ADRA1A: variants seen among roughly 807,000 people sequenced by gnomAD.
The protein encoded by ADRA1A is adrenoceptor alpha 1A.
ADRA1A carries 31 observed loss-of-function variants against 29.6 expected under a neutral mutation model. The observed-to-expected ratio is 1.05, with a 90% CI of 0.79 to 1.41. The LOEUF is 1.41. ADRA1A is among the 40% of genes most tolerant of loss of function. ADRA1A has a pLI of 0.00. For synonymous variants in ADRA1A, 311 were observed against 254.3 expected (o/e 1.22, Z -2.12); for missense variants, 619 against 601.1 (o/e 1.03, Z -0.31).
Position 26,841,830 on chromosome 8 carries a change from C to T in ADRA1A, c.883+22257G>A, listed in dbSNP as rs1386962718. 6.6e-6 allele frequency among the ~76,000 whole-genome samples: 1 copy of T among 152,122 alleles called. No individual in the cohort carries two copies. Among genetic ancestry groups the T allele is most frequent in the Non-Finnish European group, 1.5e-5 (1 of 68,020 alleles). On this transcript the variant is annotated intron_variant, in intron 2 of 2. Coordinates refer to ENST00000380573, the MANE Select transcript of ADRA1A (RefSeq NM_000680.4). The surrounding 1 kb of genome is among the most constrained non-coding windows in gnomAD (Gnocchi z 4.4). ...TTCTCCTTTTCTTTCCCCTTGACTTCTCTGCTGCATTTGATATTGGCGCCA... is the reference window on the plus strand; with the variant it reads ...TTCTCCTTTTCTTTCCCCTTGACTTTTCTGCTGCATTTGATATTGGCGCCA...
intron 2 of ADRA1A, among the ~76,000 whole-genome samples, chr8:26,758,013 G>A (rs534625432): frequency 8.5e-5 from 13 of 152,322 alleles, no homozygotes; most frequent in African/African-American, 3.1e-4. Context: ...GGATACTCTT[G>A]TTCTGGGCTG....
downstream of ADRA1A, among the ~76,000 whole-genome samples, chr8:26,760,906 C>T (rs1178031126): frequency 6.6e-6 from 1 of 152,220 alleles, no homozygotes; most frequent in Non-Finnish European, 1.5e-5. Flanking sequence ...TTGAGCCTTT[C>T]TGGGTGGATC....
intron 2 of ADRA1A, among the ~76,000 whole-genome samples, chr8:26,797,958 A>G (rs893219712): frequency 6.6e-6 from 1 of 151,940 alleles, no homozygotes; most frequent in African/African-American, 2.4e-5. Flanking sequence ...TCAGATACAA[A>G]TTCTCATCTG....
intron 2 of ADRA1A, among the ~76,000 whole-genome samples, chr8:26,837,619 C>T (rs912181572): frequency 7.4e-5 from 11 of 148,608 alleles, no homozygotes; most frequent in African/African-American, 2.7e-4. Context: ...CCATTGCACT[C>T]CAGCCTGGGT....
downstream of ADRA1A, chr8:26,766,267 TG>T: frequency 1.3e-6 from 1 of 746,148 alleles, no homozygotes; most frequent in Non-Finnish European, 2.3e-6. Context: ...GAACTGTGGT[TG>T]GTCATCAATA....
At chr8:26,795,114 A>T (rs1205354686) in intron 2 of ADRA1A, among the ~76,000 whole-genome samples, 1 of 152,104 alleles carries the variant, frequency 6.6e-6, no homozygotes, top group African/African-American at 2.4e-5. Flanking sequence ...ATCTCCTACT[A>T]AAAAGGACCA....
At position 26,848,719 on chromosome 8, in the gene ADRA1A, G is replaced by C. The variant is rs1200506059; in HGVS notation, c.883+15368C>G. ...AATGGTTTCACTTCTTCTTTCCTAG[G>C]AAAAGAGTCATTAAACTCTACACGT... is the stretch of plus-strand genomic sequence containing the variant. On this transcript the variant is annotated intron_variant, in intron 2 of 2. Coordinates refer to ENST00000380573, the MANE Select transcript of ADRA1A (RefSeq NM_000680.4). The surrounding 1 kb of genome is among the most constrained non-coding windows in gnomAD (Gnocchi z 4.3). Among the ~76,000 whole-genome samples the C allele has an allele frequency of 6.6e-6, 1 of 152,090 alleles. No individual in the cohort carries two copies. Among genetic ancestry groups the C allele is most frequent in the East Asian group, 1.9e-4 (1 of 5,184 alleles).
chr8:26,800,576 A>G (rs1253648462), intron 2 of ADRA1A, among the ~76,000 whole-genome samples: 2 of 152,172 alleles, frequency 1.3e-5, no homozygotes, highest in East Asian at 1.9e-4. Flanking sequence ...ATCTGAATAG[A>G]CCAATAACAA....
chr8:26,775,549 C>G lies in ADRA1A; in HGVS notation c.884-4883G>C, dbSNP rs1006107280. On this transcript the variant is annotated intron_variant, in intron 2 of 2. Coordinates refer to ENST00000380573, the MANE Select transcript of ADRA1A (RefSeq NM_000680.4). The surrounding 1 kb of genome is among the most constrained non-coding windows in gnomAD (Gnocchi z 4.1). ...TGGTCACCGTAGCTATGGTTTTCTC[C>G]TCAACAATCTCTGCTTCAAGAAGAG... Among the ~76,000 whole-genome samples, 3 of 152,160 alleles carry G rather than the reference C, an allele frequency of 2.0e-5. No individual in the cohort carries two copies. Among genetic ancestry groups the G allele is most frequent in the African/African-American group, 7.2e-5 (3 of 41,420 alleles).
chr8:26,760,294 C>T (rs1311059542), intron 2 of ADRA1A, among the ~76,000 whole-genome samples: 1 of 152,160 alleles, frequency 6.6e-6, no homozygotes, highest in African/African-American at 2.4e-5. Context: ...GCCCTGAGAC[C>T]AGGCAGAGTG....
At position 26,831,769 on chromosome 8, in the gene ADRA1A, A is replaced by G. The variant is rs1473646101; in HGVS notation, c.883+32318T>C. 2.0e-5 allele frequency among the ~76,000 whole-genome samples: 3 copies of G among 152,222 alleles called. No homozygotes were observed. The highest frequency in any genetic ancestry group is 4.4e-5 in the Non-Finnish European group (3 of 68,048). On this transcript the variant is annotated intron_variant, in intron 2 of 2. Transcript: ENST00000380573. This position sits in a 1 kb window ranked among gnomAD's most constrained non-coding sequence, Gnocchi z 5.2. ...TTGGGCCTTGGGGGGAACACGCTGC[A>G]TGCAGCTTCCTTTCCATCCTTGCAT...
At chr8:26,807,306 A>G (rs1809064068) in intron 2 of ADRA1A, among the ~76,000 whole-genome samples, 1 of 152,234 alleles carries the variant, frequency 6.6e-6, no homozygotes, top group Non-Finnish European at 1.5e-5. Flanking sequence ...TGATAATTAA[A>G]TAATAAGAAG....
At chr8:26,837,330 A>G (rs184345102) in intron 2 of ADRA1A, among the ~76,000 whole-genome samples, 1 of 152,268 alleles carries the variant, frequency 6.6e-6, no homozygotes, top group Non-Finnish European at 1.5e-5. Context: ...AGTCACATTA[A>G]AGTCAAATTA....
chr8:26,784,497 T>A (rs12676550), intron 2 of ADRA1A, among the ~76,000 whole-genome samples: 3 of 152,102 alleles, frequency 2.0e-5, no homozygotes, highest in African/African-American at 4.8e-5. Flanking sequence ...GCAGTAAAAC[T>A]TTTACTCAAC....
At chr8:26,763,179 T>C (rs1232487037), downstream of ADRA1A, among the ~76,000 whole-genome samples, 1 of 152,138 alleles carries the variant, frequency 6.6e-6, no homozygotes, top group Non-Finnish European at 1.5e-5. This position sits in a 1 kb window ranked among gnomAD's most constrained non-coding sequence, Gnocchi z 4.5. Flanking sequence ...ATGGCTCTCC[T>C]TGGTGAGCTC....
In ADRA1A at chr8:26,864,763, C is replaced by T. The variant is rs778747853; in HGVS notation, c.207G>A (p.Ala69=). 1.9e-6 allele frequency: 3 copies of T among 1,613,988 alleles called. No individual in the cohort carries two copies. Among genetic ancestry groups the T allele is most frequent in the Admixed American group, 1.7e-5 (1 of 59,990 alleles). ...TGGAGGTGAGCAGGAGGTCGGCCAC[C>T]GCCAGGTTGACGATGTAGTAGTGCG... ...SVTHYYIVNL[A]VADLLLTSTV... The change falls in exon 2 of 3, where the codon GCG becomes GCA. Residue 69 remains alanine (A), a synonymous_variant. Coordinates refer to ENST00000380573, the MANE Select transcript of ADRA1A (RefSeq NM_000680.4). The surrounding 1 kb of genome is among the most constrained non-coding windows in gnomAD (Gnocchi z 8.1).
rs1810485354 is a variant in ADRA1A, at chr8:26,825,416, G to A, written c.883+38671C>T. 6.6e-6 allele frequency among the ~76,000 whole-genome samples: 1 copy of A among 152,100 alleles called. No individual in the cohort carries two copies. The highest frequency in any genetic ancestry group is 2.1e-4 in the South Asian group (1 of 4,822). ...GAGGGTGGGTAGGGAGGAAGATGGA[G>A]TTTCTTTGTTTTCTAATTCCGCCCT... On this transcript the variant is annotated intron_variant, in intron 2 of 2. Coordinates refer to ENST00000380573, the MANE Select transcript of ADRA1A (RefSeq NM_000680.4). This position sits in a 1 kb window ranked among gnomAD's most constrained non-coding sequence, Gnocchi z 5.7.
downstream of ADRA1A, among the ~76,000 whole-genome samples, chr8:26,767,084 C>G (rs1396264223): frequency 6.6e-6 from 1 of 152,074 alleles, no homozygotes; most frequent in African/African-American, 2.4e-5. Context: ...GATTCAGGGT[C>G]TCTCATAATG....
intron 2 of ADRA1A, among the ~76,000 whole-genome samples, chr8:26,863,233 G>A (rs190920825): frequency 6.6e-6 from 1 of 152,174 alleles, no homozygotes; most frequent in Non-Finnish European, 1.5e-5. Context: ...TCTCATTGAA[G>A]GAGATAGATG....
Sources: allele counts gnomAD v4.1 joint callset (sites outside exome capture counted in the v4.1 genomes callset), GRCh38; gene constraint gnomAD v4.1.1; non-coding constraint Gnocchi (gnomAD v3.1); transcripts MANE v1.5; gene names NCBI Gene and HGNC (gene_info 2026-07-23, HGNC 2026-07-21).